The following CD1D variants were observed in gnomAD, a reference collection of about 807,000 sequenced individuals.
CD1D encodes CD1d molecule, also known as antigen-presenting glycoprotein CD1d.
Under a neutral mutation model 42.1 loss-of-function variants are expected in CD1D, and 40 were observed. The observed-to-expected ratio is 0.95, with a 90% CI of 0.74 to 1.24. The LOEUF (loss-of-function observed/expected upper bound fraction) is 1.24. Ranked by LOEUF, CD1D falls within the 50% of genes most tolerant of loss-of-function variation. The pLI is 0.00. For missense variants in CD1D, 437 were observed against 416.5 expected (o/e 1.05, Z -0.43); for synonymous variants, 178 against 171.8 (o/e 1.04, Z -0.28).
Position 158,184,177 on chromosome 1 carries a change from G to A in CD1D, c.*27G>A. ...TCGCCTTGCCACATCTGTGTCTCTG[G>A]AACCCAGGACCTCTGGACCTCAGGT... On this transcript the variant is annotated 3_prime_UTR_variant, in exon 6 of 6. Transcript: ENST00000674085. 6.2e-7 allele frequency: 1 copy of A among 1,613,554 alleles called. No individual in the cohort carries two copies. The highest frequency in any genetic ancestry group is 1.7e-5 in the Admixed American group (1 of 60,012).
At chr1:158,181,244 G>A (rs1648389534) in intron 1 of CD1D, 82 bp downstream of exon 1, 2 of 1,499,112 alleles carry the variant, frequency 1.3e-6, no homozygotes, top group African/African-American at 1.4e-5. Flanking sequence ...GGCAACGCCT[G>A]ATGGGGACTG....
In CD1D at chr1:158,181,730, A is replaced by AG; in HGVS notation, c.328+12dup. 6.2e-7 allele frequency: 1 copy of AG among 1,605,900 alleles called. No homozygotes were observed. On this transcript the variant is annotated intron_variant, in intron 2 of 5. Transcript: ENST00000674085. ...AATGCTACGCTTATCCTGTGAGCTG[A>AG]GGGATAGGATCCTGGGCCGGTACCC...
rs778559649 is a variant in CD1D at position 158,181,131 on chromosome 1, G to GGC, written c.33_34dup (p.Leu12ArgfsTer58). ...GGTGCCTGCTGTTTCTGCTGCTCTG[G>GGC]GCGCTCCTCCAGGCTTGGGGAAGCG... On this transcript the variant is annotated frameshift_variant, in exon 1 of 6. Transcript: ENST00000674085. LOFTEE classifies it high-confidence loss of function. 2.3e-5 allele frequency: 35 copies of GGC among 1,549,054 alleles called. No individual in the cohort carries two copies. Among genetic ancestry groups the GGC allele is most frequent in the African/African-American group, 2.7e-5 (2 of 72,950 alleles).
chr1:158,181,922 C>T (rs1288700259), intron 2 of CD1D, 110 bp from the exon 3 acceptor site: 1 of 1,427,112 alleles, frequency 7.0e-7, no homozygotes, highest in Non-Finnish European at 9.5e-7. Context: ...CACTTACTTT[C>T]CTTTCCCTGA....
rs1190061610 is a variant in CD1D at position 158,184,530 on chromosome 1, A to G, written c.*380A>G. The G allele has an allele frequency of 9.4e-6, 2 of 212,690 alleles. No individual in the cohort carries two copies. The highest frequency in any genetic ancestry group is 1.9e-5 in the Non-Finnish European group (2 of 106,908). The allele number at this position is 212,690 out of a possible 1,614,324, so 13.2% of individuals were successfully genotyped here. A position where few individuals can be genotyped will look rare whatever the true frequency, so the allele number is the denominator to read the frequency against. On this transcript the variant is annotated 3_prime_UTR_variant, in exon 6 of 6. Coordinates refer to ENST00000674085, the MANE Select transcript of CD1D (RefSeq NM_001371762.2). ...TGTCCTATCCAAAGGAATCAGCTGC[A>G]GCTGCTTGTTGTCAAGTATAAAGTC...
upstream of CD1D, among the ~76,000 whole-genome samples, chr1:158,178,353 T>C (rs1648251960): frequency 6.6e-6 from 1 of 152,236 alleles, no homozygotes; most frequent in South Asian, 2.1e-4. Flanking sequence ...AGTTCGTTGG[T>C]ATTATCCTCC....
At chr1:158,182,505 C>G (rs1160514087) in intron 3 of CD1D, 195 bp downstream of exon 3, 1 of 646,232 alleles carries the variant, frequency 1.5e-6, no homozygotes, top group Non-Finnish European at 2.7e-6. Context: ...AATTAATGAA[C>G]AACTGGGGGT....
rs1648633117 is a variant in CD1D, at chr1:158,184,690, A to T, written c.*540A>T. The stretch of plus-strand genomic sequence containing the variant: ...GGACACCTCAAATACATACCTACTG[A>T]CTGATGACAAACCCAGGAGTTTGTG... On this transcript the variant is annotated 3_prime_UTR_variant, in exon 6 of 6. Transcript: ENST00000674085. The T allele has an allele frequency of 6.5e-6, 1 of 153,266 alleles. No homozygotes were observed. Among genetic ancestry groups the T allele is most frequent in the Admixed American group, 6.5e-5 (1 of 15,452 alleles). 9.5% of individuals were successfully genotyped at this position (153,266 alleles called of 1,614,324 possible).
chr1:158,184,277 AAGT>A lies in CD1D; in HGVS notation c.*130_*132del. On this transcript the variant is annotated 3_prime_UTR_variant, in exon 6 of 6. Transcript: ENST00000674085. The stretch of plus-strand genomic sequence containing the variant: ...TGAAGATAGGAGAGATACCTTGAAA[AAGT>A]AGAGAACAGTCATGAGGCAGCTTTC... The A allele has an allele frequency of 1.1e-6, 1 of 924,534 alleles. No individual in the cohort carries two copies. Among genetic ancestry groups the A allele is most frequent in the East Asian group, 2.4e-5 (1 of 41,738 alleles). 57.3% of individuals were successfully genotyped at this position (924,534 alleles called of 1,614,324 possible). A position where few individuals can be genotyped will look rare whatever the true frequency, so the allele number is the denominator to read the frequency against.
intron 3 of CD1D, 36 bp downstream of exon 3, chr1:158,182,346 C>T (rs757085306): frequency 9.9e-6 from 16 of 1,612,508 alleles, no homozygotes; most frequent in Middle Eastern, 1.7e-4. Flanking sequence ...CATTCCACTT[C>T]AGGGCTCCAA....
chr1:158,186,088 C>T lies in CD1D; in HGVS notation c.*1938C>T, dbSNP rs886536064. On this transcript the variant is annotated 3_prime_UTR_variant, in exon 6 of 6. Transcript: ENST00000674085. Reference sequence around the variant, plus strand: ...GGGACTGGAGTTCTAGCCTCTGAACCAGTTTCCTCCTGTGCCAAAGGAGGA... The same window carrying T: ...GGGACTGGAGTTCTAGCCTCTGAACTAGTTTCCTCCTGTGCCAAAGGAGGA... Among the ~76,000 whole-genome samples, 1 of 152,166 alleles carries T rather than the reference C, an allele frequency of 6.6e-6. No individual in the cohort carries two copies. Among genetic ancestry groups the T allele is most frequent in the African/African-American group, 2.4e-5 (1 of 41,422 alleles).
intron 3 of CD1D, 69 bp from the exon 4 acceptor site, chr1:158,182,809 T>C: frequency 6.7e-7 from 1 of 1,494,738 alleles, no homozygotes; most frequent in Non-Finnish European, 9.0e-7. Flanking sequence ...AAAAGGATGA[T>C]ATGAGGCCTG....
At chr1:158,183,803 A>G (rs1439866864) in intron 4 of CD1D, 133 bp from the exon 5 acceptor site, 3 of 729,034 alleles carry the variant, frequency 4.1e-6, no homozygotes, top group Non-Finnish European at 7.2e-6. Flanking sequence ...CTTATGAGGA[A>G]TAGAAATTGG....
rs1185956940 is a variant in CD1D, at chr1:158,182,519, A to C, written c.607+209A>C. ...CAATTAATGAACAACTGGGGGTGAA[A>C]GGTGTCAGGCAGTTAGTTAGGATCC... On this transcript the variant is annotated intron_variant, in intron 3 of 5. Coordinates refer to ENST00000674085, the MANE Select transcript of CD1D (RefSeq NM_001371762.2). 5 of 628,134 alleles carry C rather than the reference A, an allele frequency of 8.0e-6. No homozygotes were observed. The African/African-American group carries it at 9.2e-5, about 12-fold the overall frequency. The allele number at this position is 628,134 out of a possible 1,614,324, so 38.9% of individuals were successfully genotyped here.
At chr1:158,183,868 A>T in intron 4 of CD1D, 68 bp from the exon 5 acceptor site, 1 of 1,229,832 alleles carries the variant, frequency 8.1e-7, no homozygotes, top group Non-Finnish European at 1.2e-6. Context: ...ACATGCCTAG[A>T]CCAGGGGATT....
chr1:158,183,835 TAAG>T (rs1350484310), intron 4 of CD1D, 98 bp from the exon 5 acceptor site: 7 of 871,620 alleles, frequency 8.0e-6, no homozygotes, highest in Non-Finnish European at 1.1e-5. Flanking sequence ...GAGGAGGAAA[TAAG>T]AAGCACCTGG....
At position 158,182,255 on chromosome 1, in the gene CD1D, C is replaced by T. The variant is rs1571065241; in HGVS notation, c.552C>T (p.Cys184=). ...TGCAGTGGCTCCTTAATGGCACCTG[C>T]CCCCAATTTGTCAGTGGCCTCCTTG... ...ETVQWLLNGT[C]PQFVSGLLES... The change falls in exon 3 of 6, where the codon TGC becomes TGT. Residue 184 remains cysteine, a synonymous_variant. Coordinates refer to ENST00000674085, the MANE Select transcript of CD1D (RefSeq NM_001371762.2). 6.8e-6 allele frequency: 11 copies of T among 1,614,116 alleles called. No homozygotes were observed. The highest frequency in any genetic ancestry group is 9.3e-6 in the Non-Finnish European group (11 of 1,180,014).
chr1:158,184,500 A>T lies in CD1D; in HGVS notation c.*350A>T. 1 of 301,022 alleles carries T rather than the reference A, an allele frequency of 3.3e-6. No individual in the cohort carries two copies. The highest frequency in any genetic ancestry group is 6.2e-6 in the Non-Finnish European group (1 of 162,422). The allele number at this position is 301,022 out of a possible 1,614,324, so 18.6% of individuals were successfully genotyped here. A position where few individuals can be genotyped will look rare whatever the true frequency, so the allele number is the denominator to read the frequency against. On this transcript the variant is annotated 3_prime_UTR_variant, in exon 6 of 6. Coordinates refer to ENST00000674085, the MANE Select transcript of CD1D (RefSeq NM_001371762.2). ...GATGGGATCTGTAAGGAACTGGAACACACATGTCCTATCCAAAGGAATCAG... is the reference window on the plus strand; with the variant it reads ...GATGGGATCTGTAAGGAACTGGAACTCACATGTCCTATCCAAAGGAATCAG...
rs777157013 is a variant in CD1D, at chr1:158,184,142, G to A, written c.1000G>A (p.Val334Ile). The change falls in exon 6 of 6, where the codon GTC becomes ATC. Residue 334 changes from valine to isoleucine, a missense_variant. Physicochemically the swap from Val to Ile is conservative, Grantham distance 29. Coordinates refer to ENST00000674085, the MANE Select transcript of CD1D (RefSeq NM_001371762.2). The stretch of plus-strand genomic sequence containing the variant: ...ATTCTCTCACAGTTCCTATCAGGGC[G>A]TCCTGTGACTCGCCTTGCCACATCT... Reference protein sequence around the residue: ...RFKRQTSYQGVL With the variant: ...RFKRQTSYQGIL 13 of 1,613,858 alleles carry A rather than the reference G, an allele frequency of 8.1e-6. No homozygotes were observed. Among genetic ancestry groups the A allele is most frequent in the East Asian group, 4.5e-5 (2 of 44,864 alleles).
Sources: gnomAD v4.1 joint callset for allele counts (sites outside exome capture counted in the v4.1 genomes callset) on GRCh38, gnomAD v4.1.1 for gene constraint, MANE v1.5 for transcripts, NCBI Gene and HGNC (gene_info 2026-07-23, HGNC 2026-07-21) for gene names.